The following SV2C variants were observed in gnomAD, a reference collection of about 807,000 sequenced individuals.
SV2C encodes the protein solute carrier family 22 member B3.
SV2C carries 49 observed loss-of-function variants against 79.7 expected under a neutral mutation model. The ratio of observed to expected loss-of-function variants is 0.61; its 90% confidence interval spans 0.49 to 0.78. The LOEUF (loss-of-function observed/expected upper bound fraction) is 0.78, where lower values mean the gene tolerates loss of function less well. Ranked by LOEUF, SV2C falls within the 30% of genes least tolerant of loss-of-function variation. The pLI is 0.00. For synonymous variants in SV2C, 334 were observed against 333.2 expected, an observed-to-expected ratio of 1.00 and a Z score of -0.03; for missense variants, 833 against 912.9, an observed-to-expected ratio of 0.91 and a Z score of 1.13.
chr5:76,057,762 T>A, the SV2C span, among the ~76,000 whole-genome samples: 1 of 152,150 alleles, frequency 6.6e-6, no homozygotes, highest in African/African-American at 2.4e-5. Context: ...CTGACTACAA[T>A]TATTATTATC....
At chr5:75,902,362 T>C in the SV2C span, among the ~76,000 whole-genome samples, 1 of 152,184 alleles carries the variant, frequency 6.6e-6, no homozygotes, top group Non-Finnish European at 1.5e-5. Flanking sequence ...AAATTCAGGC[T>C]ACTGTGCCTT....
the SV2C span, among the ~76,000 whole-genome samples, chr5:75,863,252 G>A: frequency 6.6e-6 from 1 of 152,074 alleles, no homozygotes; most frequent in Admixed American, 6.6e-5. Flanking sequence ...GAGGTGATGG[G>A]TGCAGCAAAA....
At chr5:76,008,323 T>G in the SV2C span, among the ~76,000 whole-genome samples, 8 of 152,168 alleles carry the variant, frequency 5.3e-5, no homozygotes, top group African/African-American at 1.7e-4. Flanking sequence ...ATGCTGATGT[T>G]GACTTGTTAG....
At chr5:75,963,960 C>T in the SV2C span, among the ~76,000 whole-genome samples, 1 of 151,918 alleles carries the variant, frequency 6.6e-6, no homozygotes, top group South Asian at 2.1e-4. Flanking sequence ...TTTTAGTTTT[C>T]AGGAAGGGTT....
chr5:75,972,617 C>T, the SV2C span, among the ~76,000 whole-genome samples: 1 of 152,078 alleles, frequency 6.6e-6, no homozygotes, highest in African/African-American at 2.4e-5. Flanking sequence ...CAAATCAAAA[C>T]CACAATGAGA....
the SV2C span, among the ~76,000 whole-genome samples, chr5:76,041,902 G>A: frequency 1.3e-5 from 2 of 152,274 alleles, no homozygotes; most frequent in African/African-American, 4.8e-5. Flanking sequence ...TGACGGAAGA[G>A]AATCTAGCGT....
intron 6 of SV2C, among the ~76,000 whole-genome samples, chr5:76,286,541 A>C (rs973625496): frequency 1.3e-5 from 2 of 152,172 alleles, no homozygotes; most frequent in South Asian, 2.1e-4. Flanking sequence ...ACAAAAAAAA[A>C]CCAGTATCTA....
the SV2C span, among the ~76,000 whole-genome samples, chr5:75,993,532 C>T: frequency 6.6e-6 from 1 of 152,026 alleles, no homozygotes; most frequent in South Asian, 2.1e-4. Flanking sequence ...GACACTGGCT[C>T]AAAGGATGAA....
chr5:76,234,675 C>T (rs989362681), intron 4 of SV2C, among the ~76,000 whole-genome samples: 3 of 152,182 alleles, frequency 2.0e-5, no homozygotes, highest in African/African-American at 7.2e-5. Flanking sequence ...TTTGCAAGAG[C>T]ATTATAAATC....
the SV2C span, among the ~76,000 whole-genome samples, chr5:76,002,753 A>G: frequency 6.6e-6 from 1 of 152,220 alleles, no homozygotes; most frequent in African/African-American, 2.4e-5. Context: ...GTTGTTATCC[A>G]AGTTGGGTGA....
chr5:75,987,987 C>A, the SV2C span, among the ~76,000 whole-genome samples: 5 of 151,980 alleles, frequency 3.3e-5, no homozygotes, highest in African/African-American at 4.8e-5. Context: ...GTATAAAACA[C>A]CTACCTTTTG....
intron 12 of SV2C, among the ~76,000 whole-genome samples, chr5:76,346,251 C>T (rs1199041679): frequency 3.9e-5 from 6 of 152,186 alleles, no homozygotes; most frequent in Admixed American, 6.5e-5. Context: ...AATCAGGAGG[C>T]GATACATTCT....
chr5:76,172,315 A>G (rs1452576375), intron 2 of SV2C, among the ~76,000 whole-genome samples: 41 of 48,200 alleles, frequency 8.5e-4, no homozygotes, highest in African/African-American at 1.6e-3. Flanking sequence ...CCCCCCGCCC[A>G]GCCAGCCGCC....
At chr5:76,263,900 G>T (rs1178953560) in intron 4 of SV2C, among the ~76,000 whole-genome samples, 3 of 152,168 alleles carry the variant, frequency 2.0e-5, no homozygotes, top group Middle Eastern at 3.4e-3. Context: ...ACAATTTTGT[G>T]TCCTGGGGTT....
the SV2C span, among the ~76,000 whole-genome samples, chr5:75,952,261 T>A: frequency 1.8e-4 from 22 of 122,340 alleles, no homozygotes; most frequent in South Asian, 6.6e-4. Flanking sequence ...CTTCCTTCCT[T>A]CCTTCCTTCC....
At chr5:76,198,305 G>T (rs1325933388) in intron 3 of SV2C, among the ~76,000 whole-genome samples, 1 of 152,178 alleles carries the variant, frequency 6.6e-6, no homozygotes, top group Non-Finnish European at 1.5e-5. Context: ...ATCATGAATA[G>T]ATTAATGTGA....
At chr5:76,057,336 A>G in the SV2C span, among the ~76,000 whole-genome samples, 32 of 151,836 alleles carry the variant, frequency 2.1e-4, no homozygotes, top group Middle Eastern at 3.4e-3. Flanking sequence ...CCATTAACTC[A>G]TCATTTACAT....
At chr5:76,212,061 G>A (rs1744783087) in intron 4 of SV2C, among the ~76,000 whole-genome samples, 1 of 152,008 alleles carries the variant, frequency 6.6e-6, no homozygotes, top group South Asian at 2.1e-4. Context: ...TATCCACCAT[G>A]AGACTTGTCT....
chr5:76,041,947 C>T, the SV2C span, among the ~76,000 whole-genome samples: 165 of 151,982 alleles, frequency 1.1e-3, 1 homozygote, highest in African/African-American at 3.8e-3. Flanking sequence ...AAATCCAGAA[C>T]GCTCCCCCTG....
Sources: gnomAD v4.1 joint callset for allele counts (sites outside exome capture counted in the v4.1 genomes callset) on GRCh38, gnomAD v4.1.1 for gene constraint, MANE v1.5 for transcripts, NCBI Gene and HGNC (gene_info 2026-07-23, HGNC 2026-07-21) for gene names.